DPP6: variants seen among roughly 807,000 people sequenced by gnomAD.
The protein encoded by DPP6 is A-type potassium channel modulatory protein DPP6.
A neutral mutation model predicts 122.6 loss-of-function variants in DPP6; 69 were observed. That is an observed-to-expected ratio of 0.56 (90% CI 0.46 to 0.69). The LOEUF is 0.69. Among genes scored for constraint, DPP6 ranks in the 30% least tolerant of loss-of-function variants. DPP6 has a pLI of 0.00. For missense variants in DPP6, 928 were observed against 1,116.9 expected (o/e 0.83, Z 2.41); for synonymous variants, 418 against 433.1 (o/e 0.97, Z 0.43).
chr7:154,092,140 G>T (rs4067529), intron 1 of DPP6: 3 of 151,690 alleles, frequency 2.0e-5, no homozygotes, highest in Non-Finnish European at 2.9e-5. Flanking sequence ...TTTAAATTTA[G>T]AAAACAGTTG....
chr7:154,493,363 T>G (rs2151391114), intron 3 of DPP6, among the ~76,000 whole-genome samples: 1 of 152,332 alleles, frequency 6.6e-6, no homozygotes, highest in Non-Finnish European at 1.5e-5. Flanking sequence ...AGCACAGACC[T>G]GCAACTTTCC....
intron 1 of DPP6, among the ~76,000 whole-genome samples, chr7:154,435,603 A>T (rs911616904): frequency 2.6e-5 from 4 of 152,240 alleles, no homozygotes; most frequent in Non-Finnish European, 5.9e-5. Flanking sequence ...AGGCTCCTGG[A>T]TGATTATTGA....
At chr7:154,313,684 G>GTGTGTGT (rs1554515510) in intron 1 of DPP6, among the ~76,000 whole-genome samples, 1 of 25,100 alleles carries the variant, frequency 4.0e-5, no homozygotes, top group Non-Finnish European at 7.5e-5. Context: ...TTTAAGATAT[G>GTGTGTGT]GTATATATAT....
At chr7:154,260,784 G>A (rs1186464958) in intron 1 of DPP6, among the ~76,000 whole-genome samples, 1 of 149,214 alleles carries the variant, frequency 6.7e-6, no homozygotes, top group East Asian at 2.0e-4. Flanking sequence ...GAATTGTGCT[G>A]CTATAAACAT....
At position 154,872,626 on chromosome 7, in the gene DPP6, C is replaced by A; in HGVS notation, c.1816C>A (p.Leu606Met). 2 of 1,599,800 alleles carry A rather than the reference C, an allele frequency of 1.3e-6. No individual in the cohort carries two copies. The highest frequency in any genetic ancestry group is 1.7e-6 in the Non-Finnish European group (2 of 1,173,478). Reference sequence around the variant, plus strand: ...TGCTGTGCTCTGCTTCTCCCCAGACCTGCCCATGCAGATACTGAAGCCAGC... The same window carrying A: ...TGCTGTGCTCTGCTTCTCCCCAGACATGCCCATGCAGATACTGAAGCCAGC... Reference protein sequence around the residue: ...YRDIEIDDYNLPMQILKPATF... With the variant: ...YRDIEIDDYNMPMQILKPATF... Residue 606 changes from leucine to methionine, a missense_variant and splice_region_variant, in exon 19 of 26, where the codon CTG (leucine) becomes ATG (methionine). Leu to Met is a conservative substitution (Grantham distance 15). Transcript: ENST00000377770.
chr7:154,725,946 G>A (rs1842043026), intron 7 of DPP6, among the ~76,000 whole-genome samples: 1 of 152,178 alleles, frequency 6.6e-6, no homozygotes, highest in Admixed American at 6.5e-5. Context: ...ATGCAAGTCT[G>A]AAACCCAGCA....
chr7:154,335,922 T>C lies in DPP6; in HGVS notation c.244-110292T>C, dbSNP rs1319625927. On this transcript the variant is annotated intron_variant, in intron 1 of 25. Transcript: ENST00000377770. The stretch of plus-strand genomic sequence containing the variant: ...GAGCATGCTATTTGCCACATTGCAT[T>C]CTAGGGGTTGCAAGACATCCTGAAA... 2.0e-5 allele frequency among the ~76,000 whole-genome samples: 3 copies of C among 152,084 alleles called. No homozygotes were observed. The East Asian group carries it at 5.8e-4, about 29-fold the overall frequency.
chr7:153,784,070 G>A, the DPP6 span, among the ~76,000 whole-genome samples: 1 of 152,170 alleles, frequency 6.6e-6, no homozygotes, highest in African/African-American at 2.4e-5. Context: ...ATTTAGCTTG[G>A]AATTTAAAAC....
At chr7:153,860,017 G>A in the DPP6 span, among the ~76,000 whole-genome samples, 3 of 152,122 alleles carry the variant, frequency 2.0e-5, no homozygotes, top group African/African-American at 4.8e-5. Flanking sequence ...ACTAAGGTTC[G>A]CTTAACTAAT....
intron 1 of DPP6, among the ~76,000 whole-genome samples, chr7:153,896,637 CA>C (rs936695915): frequency 7.2e-5 from 11 of 151,982 alleles, no homozygotes; most frequent in African/African-American, 2.7e-4. Flanking sequence ...AGCATCTCTA[CA>C]AAAAAATTTT....
chr7:154,078,820 C>A (rs1306873057), intron 1 of DPP6, among the ~76,000 whole-genome samples: 1 of 151,878 alleles, frequency 6.6e-6, no homozygotes, highest in Non-Finnish European at 1.5e-5. Flanking sequence ...GAAACAAATT[C>A]ATCCAAAATG....
At chr7:154,422,707 A>AGATGCATGGGTGGGTG (rs1563642987) in intron 1 of DPP6, among the ~76,000 whole-genome samples, 1 of 129,984 alleles carries the variant, frequency 7.7e-6, no homozygotes, top group African/African-American at 3.0e-5. Context: ...GTGGGTGGGT[A>AGATGCATGGGTGGGTG]GATGGATGGG....
At chr7:154,430,106 C>T (rs1586245497) in intron 1 of DPP6, among the ~76,000 whole-genome samples, 2 of 152,234 alleles carry the variant, frequency 1.3e-5, no homozygotes, top group Non-Finnish European at 2.9e-5. Flanking sequence ...GGGTTTGGCA[C>T]TGTTGCGCTC....
In DPP6 at chr7:153,942,843, C is replaced by T. The variant is rs142643993; in HGVS notation, c.51+55109C>T. On this transcript the variant is annotated intron_variant, in intron 1 of 25. Transcript: ENST00000404039. ...CCACCTCATCAGCACTTTTACCTGTCGCCTGCTTATTTAAACACGTGGTCC... is the reference window on the plus strand; with the variant it reads ...CCACCTCATCAGCACTTTTACCTGTTGCCTGCTTATTTAAACACGTGGTCC... Among the ~76,000 whole-genome samples, 12 of 152,302 alleles carry T rather than the reference C, an allele frequency of 7.9e-5. 1 individual carries two copies. The East Asian group carries it at 9.6e-4, about 12-fold the overall frequency.
chr7:154,882,664 C>T (rs1009521657), intron 21 of DPP6, among the ~76,000 whole-genome samples: 2 of 149,134 alleles, frequency 1.3e-5, no homozygotes, highest in African/African-American at 4.9e-5. Context: ...TGCAGTTTCC[C>T]CCCCGACACC....
intron 1 of DPP6, among the ~76,000 whole-genome samples, chr7:154,260,416 A>G (rs528171327): frequency 1.2e-4 from 19 of 152,018 alleles, no homozygotes; most frequent in Non-Finnish European, 2.4e-4. Context: ...CACTGCACTC[A>G]ATTTATAGTC....
intron 16 of DPP6, among the ~76,000 whole-genome samples, chr7:154,841,318 CTG>C (rs1247631688): frequency 6.7e-6 from 1 of 149,846 alleles, no homozygotes; most frequent in African/African-American, 2.5e-5. Context: ...CTTTGCCCCT[CTG>C]CAGGCTTTGC....
chr7:154,112,622 G>T (rs1806670381), intron 1 of DPP6, among the ~76,000 whole-genome samples: 1 of 151,544 alleles, frequency 6.6e-6, no homozygotes. Flanking sequence ...TCCTGCTTGG[G>T]CAACAGAGTG....
At chr7:153,802,976 G>A in the DPP6 span, among the ~76,000 whole-genome samples, 1 of 151,590 alleles carries the variant, frequency 6.6e-6, no homozygotes, top group Non-Finnish European at 1.5e-5. Flanking sequence ...AGCCCGGCAG[G>A]CAGGCAGGGT....
Sources: allele counts gnomAD v4.1 joint callset (sites outside exome capture counted in the v4.1 genomes callset), GRCh38; gene constraint gnomAD v4.1.1; transcripts MANE v1.5; gene names NCBI Gene and HGNC (gene_info 2026-07-23, HGNC 2026-07-21).